SLC44A1: variants seen among roughly 807,000 people sequenced by gnomAD.
SLC44A1 encodes the protein choline transporter-like protein 1.
SLC44A1 carries 26 observed loss-of-function variants against 79.3 expected under a neutral mutation model. The ratio of observed to expected loss-of-function variants is 0.33; its 90% confidence interval spans 0.24 to 0.46. The LOEUF is 0.46. SLC44A1 is among the 20% of genes least tolerant of loss of function. The probability of loss-of-function intolerance (pLI) is 1.00; values close to 1 mark genes in which losing one functional copy is unlikely to be tolerated. For synonymous variants in SLC44A1, 263 were observed against 286.2 expected (o/e 0.92, Z 0.82); for missense variants, 688 against 798.1 (o/e 0.86, Z 1.66).
intron 15 of SLC44A1, among the ~76,000 whole-genome samples, chr9:105,424,222 C>T (rs1232952662): frequency 6.6e-6 from 1 of 152,160 alleles, no homozygotes; most frequent in Non-Finnish European, 1.5e-5. Flanking sequence ...ATTAAGGGGA[C>T]AGGCCCACCC....
chr9:105,358,331 A>C lies in SLC44A1; in HGVS notation c.671-13A>C. 5 of 1,384,148 alleles carry C rather than the reference A, an allele frequency of 3.6e-6. No individual in the cohort carries two copies. Among genetic ancestry groups the C allele is most frequent in the Non-Finnish European group, 5.1e-6 (5 of 976,318 alleles). 85.7% of individuals were successfully genotyped at this position (1,384,148 alleles called of 1,614,324 possible). A position where few individuals can be genotyped will look rare whatever the true frequency, so the allele number is the denominator to read the frequency against. On this transcript the variant is annotated splice_polypyrimidine_tract_variant and intron_variant, in intron 6 of 15. Transcript: ENST00000374720. ...TCAAATAATATTCTATATGTTCTCT[A>C]TCTTCCCTGCAGTTCTATCCATGAT...
rs1828743914 is a variant in SLC44A1, at chr9:105,390,686, A to G, written c.*1630A>G. On this transcript the variant is annotated 3_prime_UTR_variant, in exon 16 of 16. Transcript: ENST00000374720. ...AGTATTGGTGTTCTTTACTCTAGCT[A>G]GGCTAAAATTTGCTAAATGCCTTGG... 1.0e-6 allele frequency: 1 copy of G among 985,586 alleles called. No individual in the cohort carries two copies. Among genetic ancestry groups the G allele is most frequent in the Non-Finnish European group, 1.2e-6 (1 of 829,780 alleles). 61.1% of individuals were successfully genotyped at this position (985,586 alleles called of 1,614,324 possible). A position where few individuals can be genotyped will look rare whatever the true frequency, so the allele number is the denominator to read the frequency against.
chr9:105,351,255 C>A (rs1218134278), intron 5 of SLC44A1, among the ~76,000 whole-genome samples: 3 of 152,116 alleles, frequency 2.0e-5, no homozygotes, highest in African/African-American at 7.2e-5. Flanking sequence ...AGCCAAAGGC[C>A]AGATGCAGTG....
At chr9:105,299,853 A>G (rs1830829586) in intron 2 of SLC44A1, 1 of 986,454 alleles carries the variant, frequency 1.0e-6, no homozygotes, top group Admixed American at 6.2e-5. Flanking sequence ...TGCTGTAATG[A>G]GTGGCATCTT....
chr9:105,423,769 G>A (rs1465161007), intron 15 of SLC44A1, among the ~76,000 whole-genome samples: 2 of 152,134 alleles, frequency 1.3e-5, no homozygotes, highest in Non-Finnish European at 2.9e-5. Flanking sequence ...GTCATTTTGA[G>A]TCTTGCCATT....
At chr9:105,362,422 C>T (rs1827810031) in intron 8 of SLC44A1, among the ~76,000 whole-genome samples, 1 of 152,084 alleles carries the variant, frequency 6.6e-6, no homozygotes, top group East Asian at 1.9e-4. Flanking sequence ...GTGAATCTGA[C>T]ACAGATCCCA....
chr9:105,315,153 C>A (rs7018875), intron 3 of SLC44A1, among the ~76,000 whole-genome samples: 20,824 of 151,954 alleles, frequency 0.14, 3,638 homozygotes, highest in African/African-American at 0.41. Context: ...CTTTGAAAGG[C>A]ACCAAAGCCC....
At chr9:105,292,055 C>A (rs1212384346) in intron 1 of SLC44A1, among the ~76,000 whole-genome samples, 1 of 152,154 alleles carries the variant, frequency 6.6e-6, no homozygotes, top group Non-Finnish European at 1.5e-5. Context: ...TACTTGTTTG[C>A]AGGCTTAACC....
chr9:105,340,937 A>G (rs1055762338), intron 4 of SLC44A1, among the ~76,000 whole-genome samples: 1 of 152,230 alleles, frequency 6.6e-6, no homozygotes, highest in African/African-American at 2.4e-5. Context: ...CCTGTCAAGT[A>G]TGACTACAAT....
At chr9:105,276,155 C>T (rs938372922) in intron 1 of SLC44A1, among the ~76,000 whole-genome samples, 1 of 152,148 alleles carries the variant, frequency 6.6e-6, no homozygotes, top group African/African-American at 2.4e-5. Context: ...TGAGCCACTC[C>T]AAGCCCTTTA....
At chr9:105,409,163 CA>C (rs753124402) in intron 15 of SLC44A1, among the ~76,000 whole-genome samples, 1 of 152,174 alleles carries the variant, frequency 6.6e-6, no homozygotes, top group Non-Finnish European at 1.5e-5. Flanking sequence ...GATTAAAAAA[CA>C]GACTCCAACT....
chr9:105,298,014 T>A (rs1305599402), intron 1 of SLC44A1, among the ~76,000 whole-genome samples: 1 of 152,138 alleles, frequency 6.6e-6, no homozygotes, highest in Non-Finnish European at 1.5e-5. Flanking sequence ...GACTCGGGCA[T>A]TTTTGTTCAT....
At chr9:105,292,941 G>A (rs1019665739) in intron 1 of SLC44A1, among the ~76,000 whole-genome samples, 2 of 152,090 alleles carry the variant, frequency 1.3e-5, no homozygotes, top group African/African-American at 4.8e-5. Context: ...GGGAAGCCAA[G>A]GCTTGATCCA....
At chr9:105,418,864 AC>A (rs1304574200) in intron 15 of SLC44A1, among the ~76,000 whole-genome samples, 1 of 152,242 alleles carries the variant, frequency 6.6e-6, no homozygotes, top group Non-Finnish European at 1.5e-5. Context: ...GGCCAAGTCA[AC>A]AGCCTAAAGG....
chr9:105,275,265 T>G (rs2131239062), intron 1 of SLC44A1, among the ~76,000 whole-genome samples: 1 of 152,296 alleles, frequency 6.6e-6, no homozygotes, highest in African/African-American at 2.4e-5. Context: ...TCAGCTTTGA[T>G]TTTAGCTCTT....
At chr9:105,431,360 A>G (rs1418174212) in intron 15 of SLC44A1, among the ~76,000 whole-genome samples, 1 of 152,244 alleles carries the variant, frequency 6.6e-6, no homozygotes, top group Non-Finnish European at 1.5e-5. Flanking sequence ...TGGTCTTGAT[A>G]TCGTGTCAAT....
In SLC44A1 at chr9:105,365,463, T is replaced by C. The variant is rs779551513; in HGVS notation, c.1254-20T>C. ...ATCTAGGCTTTGTTTTAATTGTCTTTTTGGTCATTTTTTAAATAGGGATAA... is the reference window on the plus strand; with the variant it reads ...ATCTAGGCTTTGTTTTAATTGTCTTCTTGGTCATTTTTTAAATAGGGATAA... On this transcript the variant is annotated intron_variant, in intron 10 of 15. Transcript: ENST00000374720. 4.4e-6 allele frequency: 7 copies of C among 1,599,260 alleles called. No homozygotes were observed. The African/African-American group carries it at 9.4e-5, about 21-fold the overall frequency.
At position 105,390,386 on chromosome 9, in the gene SLC44A1, A is replaced by G; in HGVS notation, c.*1330A>G. On this transcript the variant is annotated 3_prime_UTR_variant, in exon 16 of 16. Coordinates refer to ENST00000374720, the MANE Select transcript of SLC44A1 (RefSeq NM_080546.5). ...TTTGTTAATGTAAAGTAAATATTTC[A>G]GAGCAAATTTTTTAAACTTATTGCA... 1.0e-6 allele frequency: 1 copy of G among 972,176 alleles called. No homozygotes were observed. The highest frequency in any genetic ancestry group is 1.2e-6 in the Non-Finnish European group (1 of 821,898). 60.2% of individuals were successfully genotyped at this position (972,176 alleles called of 1,614,324 possible). A position where few individuals can be genotyped will look rare whatever the true frequency, so the allele number is the denominator to read the frequency against.
chr9:105,351,819 C>G (rs758557735), intron 5 of SLC44A1, among the ~76,000 whole-genome samples: 9 of 152,148 alleles, frequency 5.9e-5, no homozygotes, highest in Non-Finnish European at 1.2e-4. Flanking sequence ...AAAAATCTGT[C>G]AAGATATTGC....
Sources: allele counts gnomAD v4.1 joint callset (sites outside exome capture counted in the v4.1 genomes callset), GRCh38; gene constraint gnomAD v4.1.1; transcripts MANE v1.5; gene names NCBI Gene and HGNC (gene_info 2026-07-23, HGNC 2026-07-21).